Variants in MAN2A1 observed in about 807,000 individuals in gnomAD.
The protein encoded by MAN2A1 is mannosidase alpha class 2A member 1, also known as alpha-mannosidase 2.
A neutral mutation model predicts 142.6 loss-of-function variants in MAN2A1; 76 were observed. That is an observed-to-expected ratio of 0.53 (90% CI 0.44 to 0.65). The LOEUF (loss-of-function observed/expected upper bound fraction) is 0.65. Ranked by LOEUF, MAN2A1 falls within the 30% of genes least tolerant of loss-of-function variation. The pLI is 0.00. For missense variants in MAN2A1, 1,311 were observed against 1,365.1 expected (o/e 0.96, Z 0.62); for synonymous variants, 559 against 473.2 (o/e 1.18, Z -2.35).
At chr5:109,781,097 T>G (rs1753443656) in intron 8 of MAN2A1, among the ~76,000 whole-genome samples, 1 of 152,152 alleles carries the variant, frequency 6.6e-6, no homozygotes, top group Non-Finnish European at 1.5e-5. Flanking sequence ...TTGTACACTT[T>G]GAAATTCTAG....
intron 1 of MAN2A1, among the ~76,000 whole-genome samples, chr5:109,712,042 T>A (rs774068648): frequency 6.6e-6 from 1 of 152,112 alleles, no homozygotes; most frequent in African/African-American, 2.4e-5. Flanking sequence ...CCCCTAGTGT[T>A]GTATTGCCCC....
At chr5:109,787,483 A>G (rs1160556331) in intron 10 of MAN2A1, among the ~76,000 whole-genome samples, 2 of 152,030 alleles carry the variant, frequency 1.3e-5, no homozygotes, top group Non-Finnish European at 2.9e-5. Context: ...TGTTTTACCC[A>G]ATGTTTCCCA....
chr5:109,752,876 C>T (rs1378160995), intron 4 of MAN2A1, among the ~76,000 whole-genome samples: 2 of 152,122 alleles, frequency 1.3e-5, no homozygotes, highest in Non-Finnish European at 2.9e-5. Flanking sequence ...ACAAATGGAG[C>T]TGGGAAAATT....
rs1755927250 is a variant in MAN2A1, at chr5:109,868,012, C to CTA, written c.*1015_*1016dup. On this transcript the variant is annotated 3_prime_UTR_variant, in exon 22 of 22. Transcript: ENST00000261483. ...TCATTAAATTTGTGGTGATGTTACT[C>CTA]TAAACATTTTGACTATTTGAATGTA... 1.3e-5 allele frequency: 2 copies of CTA among 152,032 alleles called. No homozygotes were observed. Among genetic ancestry groups the CTA allele is most frequent in the Non-Finnish European group, 2.9e-5 (2 of 67,998 alleles). 9.4% of individuals were successfully genotyped at this position (152,032 alleles called of 1,614,324 possible).
intron 1 of MAN2A1, among the ~76,000 whole-genome samples, chr5:109,712,371 A>G (rs1050404633): frequency 9.2e-5 from 14 of 152,068 alleles, no homozygotes; most frequent in Admixed American, 2.6e-4. Flanking sequence ...TCCTTACTTT[A>G]TCTTCTGAAA....
intron 12 of MAN2A1, among the ~76,000 whole-genome samples, chr5:109,815,549 A>G (rs141423956): frequency 1.4e-4 from 21 of 152,348 alleles, no homozygotes; most frequent in Non-Finnish European, 2.8e-4. Context: ...TAATGTCATT[A>G]TCACCTTTGG....
chr5:109,800,633 T>C (rs1005941877), intron 12 of MAN2A1, among the ~76,000 whole-genome samples: 1 of 152,254 alleles, frequency 6.6e-6, no homozygotes, highest in Non-Finnish European at 1.5e-5. Flanking sequence ...TAGAAAGATT[T>C]TTAAAAGATG....
intron 11 of MAN2A1, 124 bp downstream of exon 11, chr5:109,789,172 A>T: frequency 1.8e-6 from 1 of 563,140 alleles, no homozygotes. Context: ...ATTATTTGAA[A>T]GAATTTTTAT....
chr5:109,838,593 G>A (rs939417637), intron 16 of MAN2A1, among the ~76,000 whole-genome samples: 4 of 152,068 alleles, frequency 2.6e-5, no homozygotes, highest in Admixed American at 6.5e-5. Context: ...GGAACAATTG[G>A]CAATCCTTTC....
In MAN2A1 at chr5:109,770,386, C is replaced by T. The variant is rs1227854076; in HGVS notation, c.1041C>T (p.His347=). 1 of 1,613,956 alleles carries T rather than the reference C, an allele frequency of 6.2e-7. No individual in the cohort carries two copies. The highest frequency in any genetic ancestry group is 8.5e-7 in the Non-Finnish European group (1 of 1,179,864). Residue 347 remains histidine (H), a synonymous_variant, in exon 7 of 22, where the codon CAC becomes CAT. Transcript: ENST00000261483. ...GATCTGTCACAGATATTTTATGCCA[C>T]ATGATGCCCTTCTACAGCTATGACA... ...DLGSVTDILC[H]MMPFYSYDIP...
At chr5:109,690,616 G>T (rs1750639348) in intron 1 of MAN2A1, 64 bp downstream of exon 1, 1 of 1,521,998 alleles carries the variant, frequency 6.6e-7, no homozygotes, top group Non-Finnish European at 8.8e-7. Context: ...CTGGTTAGCG[G>T]CTGCTACCCA....
intron 5 of MAN2A1, among the ~76,000 whole-genome samples, chr5:109,759,756 GTGTTTGC>G (rs1561497204): frequency 6.6e-6 from 1 of 152,046 alleles, no homozygotes; most frequent in African/African-American, 2.4e-5. Context: ...ATTTTTGCCA[GTGTTTGC>G]TGTGTGAGTC....
chr5:109,765,736 G>A (rs1158867476), intron 5 of MAN2A1, among the ~76,000 whole-genome samples: 8 of 152,062 alleles, frequency 5.3e-5, no homozygotes, highest in Non-Finnish European at 1.0e-4. Flanking sequence ...TATCAGTATG[G>A]GCTCATGGTT....
At chr5:109,776,280 G>A (rs1003087023) in intron 8 of MAN2A1, among the ~76,000 whole-genome samples, 1 of 151,978 alleles carries the variant, frequency 6.6e-6, no homozygotes, top group Non-Finnish European at 1.5e-5. Flanking sequence ...ATAAACCTAA[G>A]TAATATCAAA....
intron 1 of MAN2A1, among the ~76,000 whole-genome samples, chr5:109,711,089 G>A (rs781122773): frequency 3.3e-5 from 5 of 152,204 alleles, no homozygotes; most frequent in Non-Finnish European, 7.3e-5. Flanking sequence ...GCCTACCAAA[G>A]TGCTGGGATT....
At chr5:109,820,447 G>A (rs1754593244) in intron 15 of MAN2A1, 105 bp downstream of exon 15, 3 of 1,152,860 alleles carry the variant, frequency 2.6e-6, no homozygotes, top group Non-Finnish European at 3.7e-6. Context: ...TGATTTATTA[G>A]GGATAGATGA....
intron 19 of MAN2A1, among the ~76,000 whole-genome samples, chr5:109,849,617 T>A (rs1755430137): frequency 6.6e-6 from 1 of 152,138 alleles, no homozygotes; most frequent in Non-Finnish European, 1.5e-5. Flanking sequence ...TAAAGTGACT[T>A]CCTGTATTTC....
intron 19 of MAN2A1, among the ~76,000 whole-genome samples, chr5:109,851,664 A>G (rs1432806): frequency 0.38 from 58,095 of 151,776 alleles, 11,856 homozygotes; most frequent in African/African-American, 0.54. Flanking sequence ...GTATTCTGTT[A>G]TGGCAGCAGA....
chr5:109,827,234 G>C (rs1580293533), intron 16 of MAN2A1, among the ~76,000 whole-genome samples: 1 of 152,162 alleles, frequency 6.6e-6, no homozygotes, highest in Admixed American at 6.5e-5. Context: ...TTATACAAAA[G>C]ATTTTGTAAT....
Sources: gnomAD v4.1 joint callset for allele counts (sites outside exome capture counted in the v4.1 genomes callset) on GRCh38, gnomAD v4.1.1 for gene constraint, MANE v1.5 for transcripts, NCBI Gene and HGNC (gene_info 2026-07-23, HGNC 2026-07-21) for gene names.